GAREM1: variants seen among roughly 807,000 people sequenced by gnomAD.
GAREM1 encodes GRB2-associated and regulator of MAPK protein 1.
A neutral mutation model predicts 71.3 loss-of-function variants in GAREM1; 26 were observed. The observed-to-expected ratio is 0.36, with a 90% CI of 0.27 to 0.51. The LOEUF (loss-of-function observed/expected upper bound fraction) is 0.51, where lower values mean the gene tolerates loss of function less well. Ranked by LOEUF, GAREM1 falls within the 20% of genes least tolerant of loss-of-function variation. GAREM1 has a pLI of 0.95. For synonymous variants in GAREM1, 440 were observed against 433.2 expected (o/e 1.02, Z -0.20); for missense variants, 1,026 against 1,103.1 (o/e 0.93, Z 0.99).
intron 1 of GAREM1, 21 bp from the exon 2 acceptor site, chr18:32,393,056 T>C (rs749172082): frequency 1.2e-6 from 2 of 1,602,758 alleles, no homozygotes; most frequent in South Asian, 1.1e-5. Flanking sequence ...CAATTTTATA[T>C]GAGAAACTTA....
rs1238194833 is a variant in GAREM1, at chr18:32,287,144, C to T, written c.1453G>A (p.Val485Ile). The change falls in exon 4 of 6, where the codon GTC (valine) becomes ATC (isoleucine). Residue 485 changes from valine to isoleucine, a missense_variant. Physicochemically the swap from Val to Ile is conservative, Grantham distance 29 (BLOSUM62 3). Around this residue, in one of 3 missense-constraint regions of GAREM1, gnomAD observed 636 missense variants for 631.2 expected, o/e 1.01. Transcript: ENST00000269209. The surrounding 1 kb of genome is among the most constrained non-coding windows in gnomAD (Gnocchi z 5.9). ...GGAGAAGTCGCACATTTGGATCGGA[C>T]AGAACCTCTAAACTGATCACATCTG... The part of the protein sequence containing the change: ...KNRCDQFRGS[V>I]RSKCATSPLP... The T allele has an allele frequency of 1.2e-6, 2 of 1,614,248 alleles. No individual in the cohort carries two copies. Among genetic ancestry groups the T allele is most frequent in the Non-Finnish European group, 1.7e-6 (2 of 1,180,044 alleles).
intron 1 of GAREM1, among the ~76,000 whole-genome samples, chr18:32,455,172 C>A (rs573007300): frequency 6.6e-6 from 1 of 152,124 alleles, no homozygotes; most frequent in East Asian, 1.9e-4. Flanking sequence ...TGGGTTTTGA[C>A]ATTAAGATGT....
At chr18:32,442,262 C>A (rs1460264835) in intron 1 of GAREM1, among the ~76,000 whole-genome samples, 1 of 152,096 alleles carries the variant, frequency 6.6e-6, no homozygotes, top group Non-Finnish European at 1.5e-5. Flanking sequence ...TGAAACTCAG[C>A]TATTTATAGC....
chr18:32,337,677 C>T (rs1331993368), intron 2 of GAREM1, among the ~76,000 whole-genome samples: 2 of 152,196 alleles, frequency 1.3e-5, no homozygotes, highest in Non-Finnish European at 2.9e-5. Context: ...GTGATACGAA[C>T]TTTCACAGTG....
chr18:32,421,720 T>C (rs1225334694), intron 1 of GAREM1, among the ~76,000 whole-genome samples: 6 of 152,142 alleles, frequency 3.9e-5, no homozygotes, highest in Admixed American at 3.9e-4. Flanking sequence ...TCCCCCATAT[T>C]ACCCAAGCTA....
intron 1 of GAREM1, chr18:32,412,482 C>A (rs1042267951): frequency 1.3e-6 from 2 of 1,593,664 alleles, no homozygotes; most frequent in African/African-American, 1.3e-5. Flanking sequence ...ACCACCAGCA[C>A]GGCTGCCACC....
chr18:32,265,265 A>C lies in GAREM1; in HGVS notation c.*2606T>G, dbSNP rs1465632503. 2 of 152,084 alleles carry C rather than the reference A, an allele frequency of 1.3e-5. No individual in the cohort carries two copies. The highest frequency in any genetic ancestry group is 2.9e-5 in the Non-Finnish European group (2 of 68,014). The allele number at this position is 152,084 out of a possible 1,614,324, so 9.4% of individuals were successfully genotyped here. A position where few individuals can be genotyped will look rare whatever the true frequency, so the allele number is the denominator to read the frequency against. On this transcript the variant is annotated 3_prime_UTR_variant, in exon 6 of 6. Coordinates refer to ENST00000269209, the MANE Select transcript of GAREM1 (RefSeq NM_001242409.2). ...AAAGAATTCCAGGTCAGTAAAAAAA[A>C]CAAAAAACAAAAAACAAAAAAACAA...
At position 32,470,704 on chromosome 18, in the gene GAREM1, C is replaced by T. The variant is rs989000241; in HGVS notation, c.-276G>A. Among the ~76,000 whole-genome samples the T allele has an allele frequency of 8.0e-5, 12 of 149,466 alleles. No homozygotes were observed. The highest frequency in any genetic ancestry group is 6.6e-4 in the Admixed American group (10 of 15,040). On this transcript the variant is annotated 5_prime_UTR_variant, in exon 1 of 6. Transcript: ENST00000269209. This position sits in a 1 kb window ranked among gnomAD's most constrained non-coding sequence, Gnocchi z 4.4. ...GCAGCCGCGCGGCTGCGGGCGGCGG[C>T]GGCGGCCCGGGTGGCTGCGGCGGCT...
intron 2 of GAREM1, among the ~76,000 whole-genome samples, chr18:32,336,327 T>G (rs1224018150): frequency 6.6e-6 from 1 of 150,434 alleles, no homozygotes; most frequent in Non-Finnish European, 1.5e-5. Flanking sequence ...CTACTCGGGA[T>G]GCTGAGGCAG....
intron 4 of GAREM1, among the ~76,000 whole-genome samples, chr18:32,271,859 T>G (rs1189506219): frequency 6.6e-6 from 1 of 152,100 alleles, no homozygotes; most frequent in Non-Finnish European, 1.5e-5. Context: ...TGAAGTGACA[T>G]TTTTCATGTA....
chr18:32,465,433 G>A (rs2144319565), intron 1 of GAREM1, among the ~76,000 whole-genome samples: 1 of 152,220 alleles, frequency 6.6e-6, no homozygotes, highest in East Asian at 1.9e-4. Flanking sequence ...AGCTGCAGAA[G>A]CCTCTGAGCA....
intron 1 of GAREM1, among the ~76,000 whole-genome samples, chr18:32,447,266 A>G (rs1266838073): frequency 6.6e-6 from 1 of 151,960 alleles, no homozygotes; most frequent in Non-Finnish European, 1.5e-5. Context: ...ATTTAAGACT[A>G]TTTTTCTGGT....
chr18:32,264,720 TAAAG>T lies in GAREM1; in HGVS notation c.*3147_*3150del, dbSNP rs1192807161. Reference sequence around the variant, plus strand: ...GTTCATAAAGTTGAGCAGCTCAACTTAAAGAAGAGAAAACTTGCAAGATTGATCT... The same window carrying T: ...GTTCATAAAGTTGAGCAGCTCAACTTAAGAGAAAACTTGCAAGATTGATCT... On this transcript the variant is annotated 3_prime_UTR_variant, in exon 6 of 6. Coordinates refer to ENST00000269209, the MANE Select transcript of GAREM1 (RefSeq NM_001242409.2). 1 of 152,244 alleles carries T rather than the reference TAAAG, an allele frequency of 6.6e-6. No individual in the cohort carries two copies. Among genetic ancestry groups the T allele is most frequent in the Non-Finnish European group, 1.5e-5 (1 of 68,040 alleles). 9.4% of individuals were successfully genotyped at this position (152,244 alleles called of 1,614,324 possible).
intron 1 of GAREM1, among the ~76,000 whole-genome samples, chr18:32,410,989 A>G (rs933957880): frequency 6.6e-6 from 1 of 151,970 alleles, no homozygotes; most frequent in African/African-American, 2.4e-5. Context: ...TTTTAGTCAA[A>G]ATGGGGTTTC....
At chr18:32,307,751 G>C (rs537995130) in intron 3 of GAREM1, among the ~76,000 whole-genome samples, 2 of 152,228 alleles carry the variant, frequency 1.3e-5, no homozygotes, top group African/African-American at 4.8e-5. Flanking sequence ...TTGAACTCCT[G>C]ACCTCAGGTG....
At chr18:32,357,302 C>CCCTG (rs1161863851) in intron 2 of GAREM1, among the ~76,000 whole-genome samples, 1 of 152,172 alleles carries the variant, frequency 6.6e-6, no homozygotes, top group Non-Finnish European at 1.5e-5. Flanking sequence ...CACAGCGAGA[C>CCCTG]CCTGTCTCAA....
intron 1 of GAREM1, among the ~76,000 whole-genome samples, chr18:32,444,339 C>T (rs2048767618): frequency 6.6e-6 from 1 of 152,112 alleles, no homozygotes; most frequent in East Asian, 1.9e-4. Flanking sequence ...ATAGCATGGG[C>T]TCAGAGTTAA....
intron 1 of GAREM1, among the ~76,000 whole-genome samples, chr18:32,462,268 T>C (rs776561852): frequency 6.6e-6 from 1 of 152,244 alleles, no homozygotes; most frequent in Non-Finnish European, 1.5e-5. Flanking sequence ...AAGGTTCCCT[T>C]TTCTCCACAT....
chr18:32,455,463 G>A (rs1310661261), intron 1 of GAREM1, among the ~76,000 whole-genome samples: 1 of 152,076 alleles, frequency 6.6e-6, no homozygotes, highest in Middle Eastern at 3.2e-3. Context: ...ATCAAGCTGA[G>A]TGCAACTTGC....
Sources: gnomAD v4.1 joint callset for allele counts (sites outside exome capture counted in the v4.1 genomes callset) on GRCh38, gnomAD v4.1.1 for gene constraint, gnomAD v4.1.1 regional missense constraint, Gnocchi (gnomAD v3.1) non-coding constraint, MANE v1.5 for transcripts, NCBI Gene and HGNC (gene_info 2026-07-23, HGNC 2026-07-21) for gene names.